The following COL25A1 variants were observed in gnomAD, a reference collection of about 807,000 sequenced individuals.
COL25A1 encodes collagen type XXV alpha 1 chain.
A neutral mutation model predicts 128.4 loss-of-function variants in COL25A1; 103 were observed. The ratio of observed to expected loss-of-function variants is 0.80; its 90% CI spans 0.68 to 0.94. The LOEUF is 0.94. Ranked by LOEUF, COL25A1 falls within the 40% of genes least tolerant of loss-of-function variation. The pLI is 0.00. For synonymous variants in COL25A1, 279 were observed against 277.2 expected, an observed-to-expected ratio of 1.01 and a Z score of -0.06; for missense variants, 745 against 840.0, an observed-to-expected ratio of 0.89 and a Z score of 1.40.
At chr4:108,987,265 CCT>C (rs1175726889) in intron 6 of COL25A1, among the ~76,000 whole-genome samples, 5 of 142,142 alleles carry the variant, frequency 3.5e-5, no homozygotes, top group Non-Finnish European at 1.6e-5. Context: ...TCAAAATGAC[CCT>C]CTGTCTTCTC....
intron 3 of COL25A1, among the ~76,000 whole-genome samples, chr4:109,138,091 C>T (rs886959281): frequency 1.3e-5 from 2 of 151,722 alleles, no homozygotes; most frequent in African/African-American, 4.8e-5. Context: ...CACCCATCAA[C>T]CCGTCATCTA....
intron 3 of COL25A1, among the ~76,000 whole-genome samples, chr4:109,255,590 CTCAT>C (rs750256391): frequency 2.0e-5 from 3 of 152,162 alleles, no homozygotes; most frequent in African/African-American, 7.2e-5. Flanking sequence ...TGAGAAACTG[CTCAT>C]TCATTCATTC....
intron 3 of COL25A1, among the ~76,000 whole-genome samples, chr4:109,157,388 T>G (rs1026817599): frequency 2.6e-5 from 4 of 152,190 alleles, no homozygotes; most frequent in Non-Finnish European, 5.9e-5. Flanking sequence ...CCCTGGTAGA[T>G]GACCTCTTCA....
intron 6 of COL25A1, among the ~76,000 whole-genome samples, chr4:108,982,389 T>C (rs957161021): frequency 3.3e-5 from 5 of 152,162 alleles, no homozygotes; most frequent in Admixed American, 6.5e-5. Flanking sequence ...TTTAACCACA[T>C]TACTTTTATG....
intron 3 of COL25A1, among the ~76,000 whole-genome samples, chr4:109,083,445 T>TAA (rs149485871): frequency 0.061 from 6,106 of 99,936 alleles, 337 homozygotes; most frequent in East Asian, 0.091. Context: ...TTACACTAAA[T>TAA]AAATTTTTTT....
chr4:109,236,168 C>T (rs900393304), intron 3 of COL25A1, among the ~76,000 whole-genome samples: 9 of 151,618 alleles, frequency 5.9e-5, no homozygotes, highest in African/African-American at 1.5e-4. Context: ...AGTATAACTT[C>T]GGAGAAGTGA....
rs183197822 is a variant in COL25A1 at position 109,245,763 on chromosome 4, G to A, written c.367+54820C>T. 4.6e-5 allele frequency among the ~76,000 whole-genome samples: 7 copies of A among 152,242 alleles called. No individual in the cohort carries two copies. In the East Asian group the frequency reaches 1.4e-3, roughly 29 times the overall value. ...ACAGAAGTCCTATGTCAAGAATCATGGAACAGGAATAGGACAGAGCTTCAG... is the reference window on the plus strand; with the variant it reads ...ACAGAAGTCCTATGTCAAGAATCATAGAACAGGAATAGGACAGAGCTTCAG... On this transcript the variant is annotated intron_variant, in intron 3 of 37. Coordinates refer to ENST00000399132, the MANE Select transcript of COL25A1 (RefSeq NM_198721.4).
chr4:109,134,044 G>C (rs1415296004), intron 3 of COL25A1, among the ~76,000 whole-genome samples: 8 of 152,000 alleles, frequency 5.3e-5, no homozygotes, highest in Non-Finnish European at 1.5e-5. Context: ...ATGAAAAACA[G>C]CCAGATAAGA....
chr4:108,963,140 C>G (rs1461532751), intron 8 of COL25A1, among the ~76,000 whole-genome samples: 2 of 152,174 alleles, frequency 1.3e-5, no homozygotes, highest in African/African-American at 4.8e-5. Context: ...ATTATTCCAC[C>G]CATTCTGAAG....
At chr4:109,259,371 TG>T (rs1228674474) in intron 3 of COL25A1, among the ~76,000 whole-genome samples, 2 of 152,254 alleles carry the variant, frequency 1.3e-5, no homozygotes, top group African/African-American at 2.4e-5. Flanking sequence ...TGCTGCAAAC[TG>T]TCACCTGTTT....
chr4:108,978,513 C>T (rs1752657134), intron 6 of COL25A1, among the ~76,000 whole-genome samples: 1 of 151,944 alleles, frequency 6.6e-6, no homozygotes, highest in African/African-American at 2.4e-5. Context: ...TTGAACATTA[C>T]CCTTTAAAAT....
chr4:108,909,700 C>T (rs767965919), intron 13 of COL25A1, among the ~76,000 whole-genome samples: 5 of 152,098 alleles, frequency 3.3e-5, no homozygotes, highest in South Asian at 4.1e-4. Context: ...TGACTTTATT[C>T]GGGTGAAATT....
chr4:109,059,323 T>A (rs1438888829), intron 3 of COL25A1, among the ~76,000 whole-genome samples: 1 of 152,180 alleles, frequency 6.6e-6, no homozygotes, highest in Non-Finnish European at 1.5e-5. Context: ...GGGATGTATA[T>A]CCAGACAGCC....
At chr4:108,847,352 G>A (rs534548218) in intron 27 of COL25A1, among the ~76,000 whole-genome samples, 1 of 152,222 alleles carries the variant, frequency 6.6e-6, no homozygotes, top group Admixed American at 6.5e-5. Context: ...GCACAAACCT[G>A]TTTATCTTTT....
chr4:108,879,128 T>C (rs1015531179), intron 19 of COL25A1, among the ~76,000 whole-genome samples: 7 of 152,188 alleles, frequency 4.6e-5, no homozygotes, highest in African/African-American at 1.4e-4. Flanking sequence ...CCAGAGTAAA[T>C]GCTTCTGCCA....
intron 3 of COL25A1, among the ~76,000 whole-genome samples, chr4:109,111,527 C>T (rs1395847336): frequency 2.0e-5 from 3 of 152,168 alleles, no homozygotes; most frequent in Admixed American, 2.0e-4. Flanking sequence ...CATTCGGAAT[C>T]CTTCCTCTGG....
At chr4:108,830,214 T>C (rs1290062072) in intron 32 of COL25A1, among the ~76,000 whole-genome samples, 1 of 152,182 alleles carries the variant, frequency 6.6e-6, no homozygotes, top group East Asian at 1.9e-4. Flanking sequence ...TTTCAACCTC[T>C]CAAGCTTAAC....
At chr4:109,044,826 A>G (rs1407765756) in intron 5 of COL25A1, among the ~76,000 whole-genome samples, 3 of 152,214 alleles carry the variant, frequency 2.0e-5, no homozygotes, top group Admixed American at 6.5e-5. Context: ...GTTTTAAAAG[A>G]TACAAAGTAG....
intron 16 of COL25A1, among the ~76,000 whole-genome samples, chr4:108,890,080 T>C (rs1741301790): frequency 6.6e-6 from 1 of 152,220 alleles, no homozygotes; most frequent in Admixed American, 6.5e-5. Context: ...CGTGAAGCAA[T>C]AAATTACAAT....
Sources: gnomAD v4.1 joint callset for allele counts (sites outside exome capture counted in the v4.1 genomes callset) on GRCh38, gnomAD v4.1.1 for gene constraint, MANE v1.5 for transcripts, NCBI Gene and HGNC (gene_info 2026-07-23, HGNC 2026-07-21) for gene names.